The following PTPRD variants were observed in gnomAD, a reference collection of about 807,000 sequenced individuals.
PTPRD encodes the protein receptor-type tyrosine-protein phosphatase delta.
PTPRD carries 34 observed loss-of-function variants against 214.5 expected under a neutral mutation model. The observed-to-expected ratio is 0.16, with a 90% confidence interval of 0.12 to 0.21. PTPRD has a LOEUF of 0.21. Ranked by LOEUF, PTPRD falls within the 10% of genes least tolerant of loss-of-function variation. PTPRD has a pLI of 1.00. For missense variants in PTPRD, 2,545 were observed against 2,398.7 expected (o/e 1.06, Z -1.27); for synonymous variants, 1,128 against 845.7 (o/e 1.33, Z -5.79).
chr9:8,610,418 G>A (rs944611173), intron 14 of PTPRD, among the ~76,000 whole-genome samples: 12 of 152,206 alleles, frequency 7.9e-5, no homozygotes, highest in Non-Finnish European at 2.9e-5. Context: ...AGTTAGTGTC[G>A]ATTCTGGGAT....
chr9:8,781,731 C>T (rs2095707594), intron 11 of PTPRD, among the ~76,000 whole-genome samples: 2 of 152,152 alleles, frequency 1.3e-5, no homozygotes, highest in South Asian at 4.1e-4. Flanking sequence ...GCAGGAAGGT[C>T]AGGCTGACAA....
At chr9:8,695,538 C>G (rs770173792) in intron 12 of PTPRD, among the ~76,000 whole-genome samples, 16 of 151,342 alleles carry the variant, frequency 1.1e-4, no homozygotes, top group Non-Finnish European at 2.2e-4. Context: ...TGCCCAGACA[C>G]TATCAGATAC....
At chr9:8,585,772 G>A (rs1254530639) in intron 14 of PTPRD, among the ~76,000 whole-genome samples, 1 of 152,070 alleles carries the variant, frequency 6.6e-6, no homozygotes, top group Non-Finnish European at 1.5e-5. Flanking sequence ...CTTGCATTTT[G>A]CCAGGCACTT....
intron 2 of PTPRD, among the ~76,000 whole-genome samples, chr9:10,365,114 A>T (rs1368829053): frequency 6.6e-6 from 1 of 152,178 alleles, no homozygotes; most frequent in South Asian, 2.1e-4. Context: ...TGAAGGACTC[A>T]TCATCTCTTC....
chr9:10,176,452 AT>A (rs752030902), intron 3 of PTPRD, among the ~76,000 whole-genome samples: 1 of 151,972 alleles, frequency 6.6e-6, no homozygotes, highest in Non-Finnish European at 1.5e-5. Flanking sequence ...AAAAAGCAAC[AT>A]TTTGACCTAT....
At chr9:8,426,765 G>C (rs927334129) in intron 35 of PTPRD, among the ~76,000 whole-genome samples, 1 of 150,008 alleles carries the variant, frequency 6.7e-6, no homozygotes, top group Admixed American at 6.7e-5. Context: ...TGAAAGATAC[G>C]AAGTTTAATG....
At chr9:8,884,798 A>G (rs1361692613) in intron 11 of PTPRD, among the ~76,000 whole-genome samples, 2 of 152,234 alleles carry the variant, frequency 1.3e-5, no homozygotes, top group Non-Finnish European at 2.9e-5. Context: ...TTTGTTTATG[A>G]ACCATTCATT....
chr9:9,606,176 G>C (rs1281987631), intron 7 of PTPRD, among the ~76,000 whole-genome samples: 1 of 151,986 alleles, frequency 6.6e-6, no homozygotes, highest in African/African-American at 2.4e-5. Context: ...GAAAATGTAG[G>C]TGTCATTACA....
At chr9:10,005,612 T>A (rs989428470) in intron 4 of PTPRD, among the ~76,000 whole-genome samples, 2 of 152,140 alleles carry the variant, frequency 1.3e-5, no homozygotes, top group Non-Finnish European at 2.9e-5. Context: ...AGGGCAGAAA[T>A]GCATAAGCAG....
At chr9:9,698,366 A>G (rs2097423207) in intron 7 of PTPRD, among the ~76,000 whole-genome samples, 1 of 152,172 alleles carries the variant, frequency 6.6e-6, no homozygotes. Context: ...AGCACTAAAG[A>G]GTGCCTTAAG....
chr9:8,777,166 A>G (rs2095519783), intron 11 of PTPRD, among the ~76,000 whole-genome samples: 1 of 151,372 alleles, frequency 6.6e-6, no homozygotes, highest in Non-Finnish European at 1.5e-5. Context: ...TTTTTTAGAG[A>G]TGGGGGTCTT....
At chr9:9,959,287 G>A (rs2094178860) in intron 4 of PTPRD, among the ~76,000 whole-genome samples, 1 of 152,068 alleles carries the variant, frequency 6.6e-6, no homozygotes, top group African/African-American at 2.4e-5. Context: ...TTCTAGAAAA[G>A]GCAAAACTTG....
At chr9:10,100,296 T>G (rs976073055) in intron 3 of PTPRD, among the ~76,000 whole-genome samples, 7 of 151,740 alleles carry the variant, frequency 4.6e-5, no homozygotes, top group African/African-American at 1.7e-4. Flanking sequence ...ATATGAAGTC[T>G]AAATACCATA....
chr9:8,664,614 T>C (rs774158485), intron 12 of PTPRD, among the ~76,000 whole-genome samples: 6 of 152,214 alleles, frequency 3.9e-5, no homozygotes, highest in Non-Finnish European at 8.8e-5. Context: ...GACCACCAGC[T>C]CATATACTTC....
At chr9:9,538,415 G>C (rs1203889715) in intron 8 of PTPRD, among the ~76,000 whole-genome samples, 1 of 151,726 alleles carries the variant, frequency 6.6e-6, no homozygotes, top group Non-Finnish European at 1.5e-5. Flanking sequence ...ATATTTAGTA[G>C]AGCTTATGTT....
intron 4 of PTPRD, among the ~76,000 whole-genome samples, chr9:10,025,726 C>G (rs374142062): frequency 3.9e-5 from 6 of 152,258 alleles, no homozygotes; most frequent in East Asian, 3.9e-4. Flanking sequence ...TATTTGAAGA[C>G]GATTTCCTTG....
At chr9:8,795,243 C>T (rs1388570789) in intron 11 of PTPRD, among the ~76,000 whole-genome samples, 1 of 152,068 alleles carries the variant, frequency 6.6e-6, no homozygotes, top group Admixed American at 6.6e-5. Flanking sequence ...CGGCTCACTG[C>T]AACCTCCGCC....
chr9:9,986,473 T>C (rs532831931), intron 4 of PTPRD, among the ~76,000 whole-genome samples: 1 of 152,228 alleles, frequency 6.6e-6, no homozygotes, highest in East Asian at 1.9e-4. Context: ...TATAAAGTAA[T>C]ATCACTGCTG....
intron 2 of PTPRD, among the ~76,000 whole-genome samples, chr9:10,368,369 G>C (rs1465788109): frequency 6.6e-6 from 1 of 152,094 alleles, no homozygotes; most frequent in Non-Finnish European, 1.5e-5. Flanking sequence ...CTTTGCTAGA[G>C]ACAGTGATGA....
Sources: allele counts gnomAD v4.1 joint callset (sites outside exome capture counted in the v4.1 genomes callset), GRCh38; gene constraint gnomAD v4.1.1; transcripts MANE v1.5; gene names NCBI Gene and HGNC (gene_info 2026-07-23, HGNC 2026-07-21).